Variants in ANO4 observed in about 807,000 individuals in gnomAD.
The protein encoded by ANO4 is anoctamin 4, also known as anoctamin-4.
Under a neutral mutation model 141.9 loss-of-function variants are expected in ANO4, and 69 were observed. That is an observed-to-expected ratio of 0.49 (90% CI 0.40 to 0.59). ANO4 has a LOEUF of 0.59. Ranked by LOEUF, ANO4 falls within the 20% of genes least tolerant of loss-of-function variation. The pLI, the probability that ANO4 is intolerant of heterozygous loss-of-function variation, is 0.00. For synonymous variants in ANO4, 350 were observed against 394.3 expected (o/e 0.89, Z 1.33); for missense variants, 894 against 1,162.2 (o/e 0.77, Z 3.36).
chr12:100,736,530 A>G lies in ANO4; in HGVS notation c.106+2673A>G, dbSNP rs144924022. ...ACCTGACATCTTGCAGACTTGGGCC[A>G]AGTGGCCTTCCCTGGTCCAGTCAGC... On this transcript the variant is annotated intron_variant, in intron 2 of 29. Coordinates refer to the ANO4 transcript ENST00000644049. Among the ~76,000 whole-genome samples the G allele has an allele frequency of 5.7e-3, 869 of 152,270 alleles. 14 individuals are homozygous for G. The highest frequency in any genetic ancestry group is 0.02 in the African/African-American group (823 of 41,562).
At chr12:100,806,949 CATA>C (rs564899518) in intron 1 of ANO4, among the ~76,000 whole-genome samples, 244 of 152,052 alleles carry the variant, frequency 1.6e-3, no homozygotes, top group African/African-American at 5.3e-3. Flanking sequence ...GTATTTGAGG[CATA>C]ATAAATTTTT....
chr12:100,977,178 A>G (rs544677321), intron 7 of ANO4, among the ~76,000 whole-genome samples: 2 of 152,280 alleles, frequency 1.3e-5, no homozygotes, highest in African/African-American at 4.8e-5. Flanking sequence ...AATAATTAAT[A>G]ATTACATGTA....
intron 1 of ANO4, among the ~76,000 whole-genome samples, chr12:100,799,652 A>G (rs1411320699): frequency 1.3e-5 from 2 of 152,172 alleles, no homozygotes; most frequent in African/African-American, 4.8e-5. Context: ...GAGGTAAGAG[A>G]ATCACTTGAA....
intron 26 of ANO4, among the ~76,000 whole-genome samples, chr12:101,123,835 A>G (rs1468227533): frequency 1.3e-5 from 2 of 152,196 alleles, no homozygotes; most frequent in South Asian, 4.1e-4. Context: ...AATAAGCGCC[A>G]TACTGACTGG....
intron 1 of ANO4, among the ~76,000 whole-genome samples, chr12:100,820,683 C>T (rs2036000908): frequency 6.6e-6 from 1 of 152,012 alleles, no homozygotes; most frequent in Non-Finnish European, 1.5e-5. Context: ...AAATGTAAGC[C>T]AGCAGTTGAG....
chr12:100,907,779 A>G (rs1280097651), intron 2 of ANO4, among the ~76,000 whole-genome samples: 1 of 152,182 alleles, frequency 6.6e-6, no homozygotes, highest in Admixed American at 6.5e-5. Flanking sequence ...CTTGAATGAC[A>G]TGATACTCAA....
chr12:100,802,666 C>T (rs954307674), intron 1 of ANO4, among the ~76,000 whole-genome samples: 8 of 152,130 alleles, frequency 5.3e-5, no homozygotes, highest in African/African-American at 9.7e-5. Flanking sequence ...TAATCGAGCA[C>T]GTACTATGTT....
chr12:100,741,101 G>A (rs961531013), intron 3 of ANO4, among the ~76,000 whole-genome samples: 17 of 152,188 alleles, frequency 1.1e-4, no homozygotes, highest in Non-Finnish European at 2.1e-4. Context: ...GCCATGCAAG[G>A]ATGGCCAGTT....
At chr12:100,903,757 C>CG (rs2136037429) in intron 2 of ANO4, among the ~76,000 whole-genome samples, 1 of 152,306 alleles carries the variant, frequency 6.6e-6, no homozygotes, top group East Asian at 1.9e-4. Context: ...TTTCAACTGA[C>CG]CTAGATTATC....
chr12:100,819,015 G>GTA (rs1375472967), intron 1 of ANO4, among the ~76,000 whole-genome samples: 22 of 141,204 alleles, frequency 1.6e-4, no homozygotes, highest in South Asian at 6.7e-4. Context: ...ATATATATGT[G>GTA]TATATATATA....
intron 14 of ANO4, among the ~76,000 whole-genome samples, chr12:101,057,592 A>T (rs968586863): frequency 1.1e-4 from 16 of 152,044 alleles, no homozygotes; most frequent in African/African-American, 3.6e-4. Context: ...TGTGGTTTTG[A>T]TTTGCATTTC....
chr12:101,046,033 T>G (rs1434331850), intron 13 of ANO4, among the ~76,000 whole-genome samples: 1 of 152,202 alleles, frequency 6.6e-6, no homozygotes, highest in African/African-American at 2.4e-5. Context: ...CCACTTTGAG[T>G]AAGGGTCAGA....
chr12:100,907,389 C>T lies in ANO4; in HGVS notation c.55+5549C>T, dbSNP rs189224988. ...ATTCCTCAAAATGTAACTCAAATTC[C>T]GCTTCCTCCAAGAAGCTTTCTAGAT... On this transcript the variant is annotated intron_variant, in intron 2 of 27. Coordinates refer to ENST00000392977, the MANE Select transcript of ANO4 (RefSeq NM_001286615.2). 6.6e-5 allele frequency among the ~76,000 whole-genome samples: 10 copies of T among 152,246 alleles called. No homozygotes were observed. In the East Asian group the frequency reaches 1.2e-3, roughly 18 times the overall value.
intron 15 of ANO4, among the ~76,000 whole-genome samples, chr12:101,080,883 T>TTATATATATATA (rs1463149041): frequency 0.025 from 1,839 of 73,800 alleles, 25 homozygotes; most frequent in East Asian, 0.047. Flanking sequence ...TATATATATA[T>TTATATATATATA]TATATATATA....
At chr12:100,758,710 A>G (rs2032724988) in intron 3 of ANO4, among the ~76,000 whole-genome samples, 1 of 152,180 alleles carries the variant, frequency 6.6e-6, no homozygotes, top group Non-Finnish European at 1.5e-5. Context: ...GACCTAAAAC[A>G]ACAGAAATCT....
intron 1 of ANO4, among the ~76,000 whole-genome samples, chr12:100,861,381 GT>G (rs758568230): frequency 6.6e-6 from 1 of 152,128 alleles, no homozygotes; most frequent in Non-Finnish European, 1.5e-5. Flanking sequence ...TGTACAGCAT[GT>G]TACTGTACTG....
chr12:100,996,964 G>A (rs369014764), intron 8 of ANO4, among the ~76,000 whole-genome samples: 15 of 152,292 alleles, frequency 9.8e-5, no homozygotes, highest in African/African-American at 3.6e-4. Flanking sequence ...GAGGGTAAGG[G>A]TAGAATAATG....
intron 3 of ANO4, among the ~76,000 whole-genome samples, chr12:100,768,671 AC>A (rs145815942): frequency 0.013 from 1,908 of 152,270 alleles, 25 homozygotes; most frequent in African/African-American, 0.043. Context: ...TAATTGCTTT[AC>A]TTGGTTTATT....
chr12:101,040,994 T>G (rs538947631), intron 11 of ANO4, among the ~76,000 whole-genome samples: 149 of 151,450 alleles, frequency 9.8e-4, no homozygotes, highest in African/African-American at 3.4e-3. Flanking sequence ...TATGTGTGTG[T>G]TTTTTTTTAA....
Sources: allele counts gnomAD v4.1 joint callset (sites outside exome capture counted in the v4.1 genomes callset), GRCh38; gene constraint gnomAD v4.1.1; transcripts MANE v1.5; gene names NCBI Gene and HGNC (gene_info 2026-07-23, HGNC 2026-07-21).